PTPRU: variants seen among roughly 807,000 people sequenced by gnomAD.
PTPRU encodes the protein receptor-type tyrosine-protein phosphatase U.
PTPRU carries 69 observed loss-of-function variants against 166.3 expected under a neutral mutation model. The observed-to-expected ratio is 0.41, with a 90% CI of 0.34 to 0.51. The LOEUF (loss-of-function observed/expected upper bound fraction) is 0.51, where lower values mean the gene tolerates loss of function less well. Among genes scored for constraint, PTPRU ranks in the 20% least tolerant of loss-of-function variants. The pLI is 0.09. For synonymous variants in PTPRU, 793 were observed against 814.0 expected (o/e 0.97, Z 0.44); for missense variants, 1,657 against 2,013.7 (o/e 0.82, Z 3.39).
intron 1 of PTPRU, among the ~76,000 whole-genome samples, chr1:29,252,361 G>C (rs906745864): frequency 1.7e-4 from 25 of 150,572 alleles, no homozygotes; most frequent in African/African-American, 6.1e-4. Context: ...TCTGCCTGCT[G>C]GGTTCAAGTG....
Position 29,291,909 on chromosome 1 carries a change from C to G in PTPRU, c.2359C>G (p.Gln787Glu). ...GACCAAGGCCACCGTCAACTACCGC[C>G]AGGAGAAGACACACATGATGAGCGC... Reference protein sequence around the residue: ...NMTKATVNYRQEKTHMMSAVD... With the variant: ...NMTKATVNYREEKTHMMSAVD... Residue 787 changes from glutamine (Q) to glutamate (E), a missense_variant, in exon 15 of 30, where the codon CAG (glutamine) becomes GAG (glutamate). Gln to Glu is a conservative substitution (Grantham distance 29). Around this residue, in one of 3 missense-constraint regions of PTPRU, gnomAD observed 1,190 missense variants for 1,477.4 expected, o/e 0.81. Coordinates refer to ENST00000373779, the MANE Select transcript of PTPRU (RefSeq NM_133178.4). This position sits in a 1 kb window ranked among gnomAD's most constrained non-coding sequence, Gnocchi z 4.1. 1 of 1,614,164 alleles carries G rather than the reference C, an allele frequency of 6.2e-7. No individual in the cohort carries two copies. Among genetic ancestry groups the G allele is most frequent in the Non-Finnish European group, 8.5e-7 (1 of 1,180,026 alleles).
At position 29,275,430 on chromosome 1, in the gene PTPRU, G is replaced by T. The variant is rs1400378757; in HGVS notation, c.1145-18G>T. 4 of 1,592,544 alleles carry T rather than the reference G, an allele frequency of 2.5e-6. No homozygotes were observed. The East Asian group carries it at 6.7e-5, about 27-fold the overall frequency. On this transcript the variant is annotated intron_variant, in intron 7 of 29. Coordinates refer to ENST00000373779, the MANE Select transcript of PTPRU (RefSeq NM_133178.4). ...CCATTTCTTCTAACTTCTTCTCTCTGCTTCCTGCATTCTCCAGAGCCCATG... is the reference window on the plus strand; with the variant it reads ...CCATTTCTTCTAACTTCTTCTCTCTTCTTCCTGCATTCTCCAGAGCCCATG...
In PTPRU at chr1:29,247,056, C is replaced by T. The variant is rs538647890; in HGVS notation, c.74-8219C>T. On this transcript the variant is annotated intron_variant, in intron 1 of 29. Transcript: ENST00000373779. ...GCCGCACCCTGCAGTTTCTTCTTCA[C>T]TCACTGCCCCTTTCCCATCCCCTTA... is the stretch of plus-strand genomic sequence containing the variant. Among the ~76,000 whole-genome samples the T allele has an allele frequency of 4.6e-5, 7 of 152,368 alleles. No homozygotes were observed. In the East Asian group the frequency reaches 7.7e-4, roughly 17 times the overall value.
At chr1:29,242,700 C>T (rs7349137) in intron 1 of PTPRU, among the ~76,000 whole-genome samples, 101,909 of 152,020 alleles carry the variant, frequency 0.67, 36,069 homozygotes, top group Non-Finnish European at 0.79. Context: ...AGGCATGAGG[C>T]GGCCTGCAGC....
intron 5 of PTPRU, 112 bp downstream of exon 5, chr1:29,259,676 C>A: frequency 8.0e-7 from 1 of 1,252,484 alleles, no homozygotes; most frequent in Non-Finnish European, 1.1e-6. Flanking sequence ...TCCAGCACTG[C>A]GCACAGCGTC....
In PTPRU at chr1:29,236,763, G is replaced by T; in HGVS notation, c.73+46G>T. 1.5e-6 allele frequency: 2 copies of T among 1,376,728 alleles called. No individual in the cohort carries two copies. The highest frequency in any genetic ancestry group is 3.2e-5 in the South Asian group (2 of 62,848). The allele number at this position is 1,376,728 out of a possible 1,614,324, so 85.3% of individuals were successfully genotyped here. ...CCGAGCCTGCCCCGCCGAGCCTCGG[G>T]GCCCGTGGCGTAGCTCGGAAGAAAG... On this transcript the variant is annotated intron_variant, in intron 1 of 29. Transcript: ENST00000373779. The surrounding 1 kb of genome is among the most constrained non-coding windows in gnomAD (Gnocchi z 4.6).
At chr1:29,259,595 C>CGG in intron 5 of PTPRU, 31 bp downstream of exon 5, 2 of 265,622 alleles carry the variant, frequency 7.5e-6, no homozygotes, top group South Asian at 3.0e-5. Flanking sequence ...TGGCTGGGGG[C>CGG]GGGGTGGGAG....
In PTPRU at chr1:29,326,687, T is replaced by G. The variant is rs1293838060; in HGVS notation, c.*1026T>G. The G allele has an allele frequency of 2.0e-5, 3 of 152,158 alleles. No homozygotes were observed. Among genetic ancestry groups the G allele is most frequent in the Non-Finnish European group, 2.9e-5 (2 of 68,050 alleles). 9.4% of individuals were successfully genotyped at this position (152,158 alleles called of 1,614,324 possible). ...CACACCCCCATTCCGTGCCTCAATT[T>G]CCCCATCTGTAAACTGTAGATATGA... On this transcript the variant is annotated 3_prime_UTR_variant, in exon 30 of 30. Transcript: ENST00000373779.
chr1:29,283,051 C>T, intron 12 of PTPRU, 102 bp downstream of exon 12: 3 of 1,487,656 alleles, frequency 2.0e-6, no homozygotes, highest in Admixed American at 1.8e-5. Flanking sequence ...AGGCCCGGCA[C>T]TTCCCATAGC....
intron 18 of PTPRU, among the ~76,000 whole-genome samples, chr1:29,309,679 A>G (rs1445352486): frequency 6.6e-6 from 1 of 152,218 alleles, no homozygotes; most frequent in African/African-American, 2.4e-5. Flanking sequence ...ATTCCATTTT[A>G]TAGACATGAA....
intron 1 of PTPRU, among the ~76,000 whole-genome samples, chr1:29,242,428 G>T (rs189980619): frequency 2.7e-4 from 41 of 152,308 alleles, no homozygotes; most frequent in Non-Finnish European, 4.7e-4. Context: ...TCAACGGTCA[G>T]CCTAGAGCTG....
intron 25 of PTPRU, among the ~76,000 whole-genome samples, chr1:29,318,705 C>T (rs1439657978): frequency 6.6e-6 from 1 of 152,204 alleles, no homozygotes; most frequent in Non-Finnish European, 1.5e-5. Flanking sequence ...AACCGCAGGC[C>T]ACCCCTCCCC....
chr1:29,303,437 G>A, intron 15 of PTPRU, among the ~76,000 whole-genome samples: 1 of 152,366 alleles, frequency 6.6e-6, no homozygotes, highest in Middle Eastern at 3.4e-3. Flanking sequence ...TGATTTGCCT[G>A]TCTTTGAATG....
intron 7 of PTPRU, among the ~76,000 whole-genome samples, chr1:29,273,347 C>T (rs930360656): frequency 6.6e-6 from 1 of 152,188 alleles, no homozygotes; most frequent in South Asian, 2.1e-4. Context: ...TGGCTCACTG[C>T]AGCCTCAACC....
chr1:29,314,283 A>G (rs977837002), intron 22 of PTPRU, among the ~76,000 whole-genome samples: 15 of 152,170 alleles, frequency 9.9e-5, no homozygotes, highest in African/African-American at 3.6e-4. Flanking sequence ...TAGAACTGTT[A>G]TCTGTGTGAA....
intron 5 of PTPRU, 58 bp downstream of exon 5, chr1:29,259,622 T>G: frequency 6.8e-7 from 1 of 1,460,418 alleles, no homozygotes; most frequent in Non-Finnish European, 9.2e-7. Flanking sequence ...GGTGGCTGCT[T>G]CTGGCCCTGA....
Position 29,304,042 on chromosome 1 carries a change from T to G in PTPRU, c.2664T>G (p.Tyr888Ter). 6.2e-7 allele frequency: 1 copy of G among 1,603,532 alleles called. No homozygotes were observed. Among genetic ancestry groups the G allele is most frequent in the Non-Finnish European group, 8.5e-7 (1 of 1,172,978 alleles). The change falls in exon 16 of 30, where the codon TAT becomes TAG. Residue 888 changes from tyrosine to a stop codon, truncating the protein, a stop_gained. Transcript: ENST00000373779. LOFTEE classifies it high-confidence loss of function. ...TAEGYGFKQE[Y>*]ESFFEGWDAT... Reference sequence around the variant, plus strand: ...AGGGTTACGGCTTCAAGCAGGAGTATGAGGTGCACGCCGGCCCCGGGCCAG... The same window carrying G: ...AGGGTTACGGCTTCAAGCAGGAGTAGGAGGTGCACGCCGGCCCCGGGCCAG...
At chr1:29,268,407 G>A (rs183501178) in intron 7 of PTPRU, among the ~76,000 whole-genome samples, 83 of 152,308 alleles carry the variant, frequency 5.4e-4, no homozygotes, top group Admixed American at 7.2e-4. Flanking sequence ...CGGCAATGGG[G>A]TGTTACTGGC....
rs148144154 is a variant in PTPRU at position 29,255,382 on chromosome 1, C to T, written c.181C>T (p.Arg61Trp). The T allele has an allele frequency of 4.9e-5, 79 of 1,614,036 alleles. No homozygotes were observed. Among genetic ancestry groups the T allele is most frequent in the Middle Eastern group, 1.6e-4 (1 of 6,084 alleles). Residue 61 changes from arginine (R) to tryptophan (W), a missense_variant, in exon 2 of 30, where the codon CGG becomes TGG. By Grantham distance (101) the Arg-to-Trp change is moderately radical. Around this residue, in one of 3 missense-constraint regions of PTPRU, gnomAD observed 453 missense variants for 496.9 expected, o/e 0.91. Coordinates refer to ENST00000373779, the MANE Select transcript of PTPRU (RefSeq NM_133178.4). ...GCAAGTGCGAATCCACCCTGGCACC[C>T]GGGCACCTGCGGACCTGCCCCACGG... ...WEQVRIHPGT[R>W]APADLPHGSY...
Sources: gnomAD v4.1 joint callset for allele counts (sites outside exome capture counted in the v4.1 genomes callset) on GRCh38, gnomAD v4.1.1 for gene constraint, gnomAD v4.1.1 regional missense constraint, Gnocchi (gnomAD v3.1) non-coding constraint, MANE v1.5 for transcripts, NCBI Gene and HGNC (gene_info 2026-07-23, HGNC 2026-07-21) for gene names.